RIPOR3: variants seen among roughly 807,000 people sequenced by gnomAD.
RIPOR3 encodes the protein RIPOR family member 3.
RIPOR3 carries 95 observed loss-of-function variants against 114.3 expected under a neutral mutation model. That is an observed-to-expected ratio of 0.83 (90% CI 0.70 to 0.99). The LOEUF (loss-of-function observed/expected upper bound fraction) is 0.99, where lower values mean the gene tolerates loss of function less well. RIPOR3 is among the 50% of genes least tolerant of loss of function. RIPOR3 has a pLI of 0.00. For synonymous variants in RIPOR3, 575 were observed against 543.8 expected (o/e 1.06, Z -0.80); for missense variants, 1,252 against 1,266.9 (o/e 0.99, Z 0.18).
At chr20:50,689,323 G>A (rs545434997) in intron 1 of RIPOR3, among the ~76,000 whole-genome samples, 2 of 151,806 alleles carry the variant, frequency 1.3e-5, no homozygotes, top group Non-Finnish European at 1.5e-5. Context: ...CTATAGGCAC[G>A]CACCACCACG....
chr20:50,592,661 G>A lies in RIPOR3; in HGVS notation c.2375-115C>T, dbSNP rs536781975. ...CAGAGGAACAAATCCCAGACCCACC[G>A]GGATGATCACCAAGGCCCAGCCTGG... On this transcript the variant is annotated intron_variant, in intron 18 of 21. Coordinates refer to ENST00000327979, the MANE Select transcript of RIPOR3 (RefSeq NM_001290268.2). 22 of 973,998 alleles carry A rather than the reference G, an allele frequency of 2.3e-5. No homozygotes were observed. The South Asian group carries it at 2.7e-4, about 12-fold the overall frequency. 60.3% of individuals were successfully genotyped at this position (973,998 alleles called of 1,614,324 possible). A position where few individuals can be genotyped will look rare whatever the true frequency, so the allele number is the denominator to read the frequency against.
rs149203288 is a variant in RIPOR3, at chr20:50,608,942, G to T, written c.654C>A (p.Tyr218Ter). 32 of 1,584,244 alleles carry T rather than the reference G, an allele frequency of 2.0e-5. No homozygotes were observed. Among genetic ancestry groups the T allele is most frequent in the Non-Finnish European group, 1.7e-5 (20 of 1,165,926 alleles). ...AGTGGTCTCCGGGACAGAGGCGTGC[G>T]TAGCCCACCAAGCCTGGAACACAGA... is the stretch of plus-strand genomic sequence containing the variant. ...FHIRMKGLVG[Y>*]ARLCPGDHYE... Residue 218 changes from tyrosine to a stop codon, truncating the protein, a stop_gained, in exon 9 of 22, where the codon TAC (tyrosine) becomes TAA (stop). Coordinates refer to ENST00000327979, the MANE Select transcript of RIPOR3 (RefSeq NM_001290268.2). LOFTEE classifies it high-confidence loss of function.
intron 11 of RIPOR3, among the ~76,000 whole-genome samples, chr20:50,605,251 A>G (rs144976060): frequency 1.3e-5 from 2 of 152,184 alleles, no homozygotes; most frequent in African/African-American, 4.8e-5. Context: ...AACTCTTTAC[A>G]CAAATCCTTA....
At chr20:50,687,211 G>T (rs866659545) in intron 1 of RIPOR3, among the ~76,000 whole-genome samples, 3 of 152,236 alleles carry the variant, frequency 2.0e-5, no homozygotes, top group Non-Finnish European at 2.9e-5. Context: ...AATGGAGAGT[G>T]CATACCAGGG....
chr20:50,664,303 G>A (rs2086110122), intron 1 of RIPOR3, among the ~76,000 whole-genome samples: 2 of 152,192 alleles, frequency 1.3e-5, no homozygotes, highest in East Asian at 1.9e-4. Context: ...ACACCGTGAA[G>A]CCCAGTGAGA....
chr20:50,623,325 T>C (rs1021538360), intron 2 of RIPOR3, among the ~76,000 whole-genome samples: 1 of 149,870 alleles, frequency 6.7e-6, no homozygotes, highest in African/African-American at 2.4e-5. Flanking sequence ...TAAGCTCAGC[T>C]GAACGGGGGA....
chr20:50,614,119 T>C (rs533146197), intron 4 of RIPOR3, among the ~76,000 whole-genome samples: 13 of 152,314 alleles, frequency 8.5e-5, no homozygotes, highest in African/African-American at 3.1e-4. Flanking sequence ...CACTGCATCC[T>C]CCGCCTCCTG....
chr20:50,648,208 A>G (rs958386906), intron 1 of RIPOR3, among the ~76,000 whole-genome samples: 2 of 151,942 alleles, frequency 1.3e-5, no homozygotes, highest in African/African-American at 4.8e-5. Flanking sequence ...CCTGGGAGGC[A>G]GAGGTTGCAG....
chr20:50,636,697 C>T (rs1313318027), intron 1 of RIPOR3: 1 of 985,416 alleles, frequency 1.0e-6, no homozygotes, highest in Non-Finnish European at 1.2e-6. Flanking sequence ...GAGAGGAAGC[C>T]AGATGCTCCC....
intron 1 of RIPOR3, 140 bp from the exon 2 acceptor site, chr20:50,630,996 C>T: frequency 1.5e-6 from 1 of 676,620 alleles, no homozygotes; most frequent in Non-Finnish European, 2.6e-6. Context: ...GCCCAGCTCA[C>T]AGGTCAGCAA....
At chr20:50,670,082 G>T (rs534142513) in intron 1 of RIPOR3, among the ~76,000 whole-genome samples, 1 of 151,116 alleles carries the variant, frequency 6.6e-6, no homozygotes, top group Non-Finnish European at 1.5e-5. Flanking sequence ...ACTTGAACCC[G>T]GGAGGCGGAG....
At chr20:50,666,301 C>T (rs907927059) in intron 1 of RIPOR3, among the ~76,000 whole-genome samples, 1 of 148,166 alleles carries the variant, frequency 6.7e-6, no homozygotes, top group East Asian at 2.0e-4. Flanking sequence ...CTCGGCTCAC[C>T]GCAATCTCCG....
At chr20:50,589,080 T>C (rs1208929135) in intron 20 of RIPOR3, among the ~76,000 whole-genome samples, 3 of 48,522 alleles carry the variant, frequency 6.2e-5, no homozygotes, top group Non-Finnish European at 9.8e-5. Context: ...AGACTCCATC[T>C]CAAGAAAAAA....
Position 50,602,240 on chromosome 20 carries a change from G to A in RIPOR3, c.1491C>T (p.Ser497=). Residue 497 remains serine, a synonymous_variant, in exon 13 of 22, where the codon AGC becomes AGT. Transcript: ENST00000327979. This position sits in a 1 kb window ranked among gnomAD's most constrained non-coding sequence, Gnocchi z 4.3. ...SLFHSGTASS[S]QNGHEEGATG... ...TTGCCCCTTCCTCGTGGCCGTTCTGGCTACTCGAGGCTGTGCCGCTGTGGA... is the reference window on the plus strand; with the variant it reads ...TTGCCCCTTCCTCGTGGCCGTTCTGACTACTCGAGGCTGTGCCGCTGTGGA... 1 of 1,613,864 alleles carries A rather than the reference G, an allele frequency of 6.2e-7. No homozygotes were observed. Among genetic ancestry groups the A allele is most frequent in the Admixed American group, 1.7e-5 (1 of 60,020 alleles).
At chr20:50,625,644 C>T (rs1165976399) in intron 2 of RIPOR3, among the ~76,000 whole-genome samples, 2 of 152,182 alleles carry the variant, frequency 1.3e-5, no homozygotes, top group African/African-American at 4.8e-5. Context: ...GAGGATGTCC[C>T]AGTGGCTCCT....
chr20:50,590,844 T>C (rs1226264601), intron 19 of RIPOR3, among the ~76,000 whole-genome samples: 1 of 147,976 alleles, frequency 6.8e-6, no homozygotes, highest in African/African-American at 2.5e-5. Context: ...AGACAGAGTC[T>C]CACTTCGTTG....
chr20:50,653,816 C>A (rs1455033884), intron 1 of RIPOR3: 1 of 152,104 alleles, frequency 6.6e-6, no homozygotes, highest in Non-Finnish European at 1.5e-5. Flanking sequence ...GTCTCAAACT[C>A]CTGGAGTCAA....
rs796561296 is a variant in RIPOR3 at position 50,652,633 on chromosome 20, G to GA, written c.4-21778dup. ...AAAAAAGAAAAGAAAAGAAAAGAAA[G>GA]AAAGAAAAGAAAAGAAAAAAGAAAT... On this transcript the variant is annotated intron_variant, in intron 1 of 21. Coordinates refer to ENST00000327979, the MANE Select transcript of RIPOR3 (RefSeq NM_001290268.2). Among the ~76,000 whole-genome samples the GA allele has an allele frequency of 4.7e-3, 662 of 139,460 alleles. 2 individuals are homozygous for GA. The highest frequency in any genetic ancestry group is 0.016 in the African/African-American group (597 of 36,858). The allele number at this position is 139,460 out of a possible 152,430, so 91.5% of individuals were successfully genotyped here.
intron 1 of RIPOR3, among the ~76,000 whole-genome samples, chr20:50,676,029 C>A (rs920456631): frequency 7.9e-5 from 12 of 152,116 alleles, no homozygotes; most frequent in African/African-American, 2.9e-4. Flanking sequence ...GAGGGAGAGA[C>A]ACAAATACAG....
Sources: gnomAD v4.1 joint callset for allele counts (sites outside exome capture counted in the v4.1 genomes callset) on GRCh38, gnomAD v4.1.1 for gene constraint, Gnocchi (gnomAD v3.1) non-coding constraint, MANE v1.5 for transcripts, NCBI Gene and HGNC (gene_info 2026-07-23, HGNC 2026-07-21) for gene names.